Variants in TTLL9 observed in about 807,000 individuals in gnomAD.
The protein encoded by TTLL9 is probable tubulin polyglutamylase TTLL9.
Under a neutral mutation model 65.6 loss-of-function variants are expected in TTLL9, and 47 were observed. That is an observed-to-expected ratio of 0.72 (90% CI 0.57 to 0.91). The LOEUF (loss-of-function observed/expected upper bound fraction) is 0.91, where lower values mean the gene tolerates loss of function less well. Among genes scored for constraint, TTLL9 ranks in the 40% least tolerant of loss-of-function variants. The pLI, the probability that TTLL9 is intolerant of heterozygous loss-of-function variation, is 0.00. For missense variants in TTLL9, 537 were observed against 568.8 expected, an observed-to-expected ratio of 0.94 and a Z score of 0.57; for synonymous variants, 179 against 204.8, an observed-to-expected ratio of 0.87 and a Z score of 1.07.
chr20:31,898,638 C>T (rs545275806), intron 4 of TTLL9, 73 bp downstream of exon 4: 2 of 1,427,190 alleles, frequency 1.4e-6, no homozygotes, highest in East Asian at 4.6e-5. Context: ...TGTTTTTCTC[C>T]CAGTTCCCCT....
At chr20:31,920,751 AGGAAG>A (rs2063804982) in intron 7 of TTLL9, 1 of 152,764 alleles carries the variant, frequency 6.5e-6, no homozygotes, top group South Asian at 2.1e-4. Flanking sequence ...CCCAGGTCCC[AGGAAG>A]GGAAGACCTG....
intron 6 of TTLL9, among the ~76,000 whole-genome samples, chr20:31,910,884 C>CT (rs1286143204): frequency 6.6e-6 from 1 of 152,152 alleles, no homozygotes; most frequent in Non-Finnish European, 1.5e-5. Flanking sequence ...GCTCAAAAAT[C>CT]TGAGTGGGGC....
intron 3 of TTLL9, 54 bp downstream of exon 3, chr20:31,887,293 C>T (rs2063206570): frequency 2.5e-6 from 4 of 1,584,226 alleles, no homozygotes; most frequent in Admixed American, 1.7e-5. Flanking sequence ...TCTCTCCCTC[C>T]CTCCCCTTTT....
intron 2 of TTLL9, chr20:31,879,703 G>A: frequency 3.1e-6 from 3 of 981,798 alleles, no homozygotes; most frequent in Non-Finnish European, 2.9e-6. Context: ...CTGCCAGGAC[G>A]CCCAATAGCC....
intron 2 of TTLL9, among the ~76,000 whole-genome samples, chr20:31,881,602 C>CTTTTTT (rs5841092): frequency 2.4e-5 from 3 of 125,260 alleles, no homozygotes; most frequent in African/African-American, 6.1e-5. Flanking sequence ...ACACATATAA[C>CTTTTTT]TTTTTTTTTT....
At chr20:31,895,870 C>T (rs1223284950) in intron 3 of TTLL9, among the ~76,000 whole-genome samples, 3 of 151,642 alleles carry the variant, frequency 2.0e-5, no homozygotes, top group Admixed American at 6.6e-5. Context: ...GACAGGGTCT[C>T]GCTCTCTTGC....
Position 31,943,942 on chromosome 20 carries a change from T to G in TTLL9, c.*921T>G, listed in dbSNP as rs2064269342. The G allele has an allele frequency of 2.4e-6, 1 of 417,234 alleles. No individual in the cohort carries two copies. The highest frequency in any genetic ancestry group is 1.7e-5 in the South Asian group (1 of 57,606). The allele number at this position is 417,234 out of a possible 1,614,324, so 25.8% of individuals were successfully genotyped here. On this transcript the variant is annotated 3_prime_UTR_variant, in exon 15 of 15. Coordinates refer to ENST00000535842, the MANE Select transcript of TTLL9 (RefSeq NM_001008409.5). ...GACTCGGGGCTGTTGGGGTAACTGT[T>G]CCAGGGGGGACTTACTCCCTCTACC...
intron 3 of TTLL9, among the ~76,000 whole-genome samples, chr20:31,897,391 AT>A (rs747944180): frequency 2.6e-5 from 4 of 152,122 alleles, no homozygotes; most frequent in Admixed American, 2.0e-4. Flanking sequence ...CAGTCCTCAT[AT>A]TGGGTAGTTG....
In TTLL9 at chr20:31,884,121, T is replaced by C; in HGVS notation, c.70-3075T>C. ...ATACAAGGTCAATATACAAAATCAG[T>C]TATACTTCTATATATGTATCAGTTT... On this transcript the variant is annotated intron_variant, in intron 2 of 14. Transcript: ENST00000535842. 6.1e-6 allele frequency: 3 copies of C among 491,902 alleles called. No homozygotes were observed. The East Asian group carries it at 1.0e-4, about 17-fold the overall frequency. 30.5% of individuals were successfully genotyped at this position (491,902 alleles called of 1,614,324 possible). A position where few individuals can be genotyped will look rare whatever the true frequency, so the allele number is the denominator to read the frequency against.
chr20:31,872,503 C>A (rs1466386475), intron 2 of TTLL9, among the ~76,000 whole-genome samples: 1 of 148,686 alleles, frequency 6.7e-6, no homozygotes, highest in Non-Finnish European at 1.5e-5. Context: ...ATAGGGAGAC[C>A]CTGCTTTTAC....
intron 10 of TTLL9, 92 bp downstream of exon 10, chr20:31,926,183 A>C: frequency 1.1e-5 from 9 of 809,596 alleles, no homozygotes; most frequent in Non-Finnish European, 1.9e-5. Context: ...AGAGCAGCTC[A>C]CTGCAAGCTG....
At position 31,924,875 on chromosome 20, in the gene TTLL9, C is replaced by G. The variant is rs988171725; in HGVS notation, c.665-134C>G. ...CACAGGCATGAGGCACCGCGCCTAG[C>G]CCCTTGTGTAGTTTCAGCAGGAGCT... On this transcript the variant is annotated intron_variant, in intron 8 of 14. Transcript: ENST00000535842. The G allele has an allele frequency of 3.1e-6, 3 of 970,024 alleles. No homozygotes were observed. In the Admixed American group the frequency reaches 6.1e-5, roughly 20 times the overall value. 60.1% of individuals were successfully genotyped at this position (970,024 alleles called of 1,614,324 possible). A position where few individuals can be genotyped will look rare whatever the true frequency, so the allele number is the denominator to read the frequency against.
intron 3 of TTLL9, among the ~76,000 whole-genome samples, chr20:31,894,712 CAT>C (rs890944421): frequency 1.4e-5 from 2 of 144,762 alleles, no homozygotes; most frequent in African/African-American, 5.4e-5. Flanking sequence ...TATATATATA[CAT>C]GTATATACAC....
chr20:31,926,572 G>A (rs1046061072), intron 10 of TTLL9, among the ~76,000 whole-genome samples: 3 of 152,102 alleles, frequency 2.0e-5, no homozygotes, highest in African/African-American at 7.2e-5. Context: ...GTACATCTGC[G>A]GTATAAGACA....
At chr20:31,934,599 A>G in intron 11 of TTLL9, 93 bp from the exon 12 acceptor site, 1 of 1,220,386 alleles carries the variant, frequency 8.2e-7, no homozygotes, top group South Asian at 1.5e-5. Flanking sequence ...CCCAGGTCTA[A>G]GGGAAACACT....
At chr20:31,933,596 T>C (rs1380965658) in intron 10 of TTLL9, among the ~76,000 whole-genome samples, 1 of 152,078 alleles carries the variant, frequency 6.6e-6, no homozygotes, top group African/African-American at 2.4e-5. Context: ...CCCAGGGAAG[T>C]GAAATGGCTT....
rs1019576296 is a variant in TTLL9, at chr20:31,904,143, C to T, written c.207-4448C>T. ...CTGTGCCCTTTTCAGTGGAACTCAT[C>T]GGGGGTTTGTGATGCTGATGTGTCT... On this transcript the variant is annotated intron_variant, in intron 4 of 14. Coordinates refer to ENST00000535842, the MANE Select transcript of TTLL9 (RefSeq NM_001008409.5). 6.6e-5 allele frequency among the ~76,000 whole-genome samples: 10 copies of T among 152,254 alleles called. 1 individual carries two copies. The South Asian group carries it at 8.3e-4, about 13-fold the overall frequency.
At chr20:31,872,589 C>T (rs1372050643) in intron 2 of TTLL9, among the ~76,000 whole-genome samples, 1 of 151,804 alleles carries the variant, frequency 6.6e-6, no homozygotes, top group Non-Finnish European at 1.5e-5. Flanking sequence ...CCACTTGAGC[C>T]CAGGCGGAGG....
chr20:31,898,546 G>C lies in TTLL9; in HGVS notation c.187G>C (p.Gly63Arg), dbSNP rs1237875458. The C allele has an allele frequency of 1.9e-6, 3 of 1,614,196 alleles. No individual in the cohort carries two copies. In the Admixed American group the frequency reaches 5.0e-5, roughly 27 times the overall value. ...TLMDVLRHRP[G>R]WVEVKDEGEW... ...CATGGACGTCCTTCGCCACAGGCCAGGATGGGTGGAAGTGAAGGAGTAAGA... is the reference window on the plus strand; with the variant it reads ...CATGGACGTCCTTCGCCACAGGCCACGATGGGTGGAAGTGAAGGAGTAAGA... Residue 63 changes from glycine to arginine, a missense_variant, in exon 4 of 15, where the codon GGA (glycine) becomes CGA (arginine). Around this residue, in one of 3 missense-constraint regions of TTLL9, gnomAD observed 320 missense variants for 311.0 expected, o/e 1.03. Transcript: ENST00000535842.
Sources: gnomAD v4.1 joint callset for allele counts (sites outside exome capture counted in the v4.1 genomes callset) on GRCh38, gnomAD v4.1.1 for gene constraint, gnomAD v4.1.1 regional missense constraint, MANE v1.5 for transcripts, NCBI Gene and HGNC (gene_info 2026-07-23, HGNC 2026-07-21) for gene names.